Variants in GALNT17 observed in about 807,000 individuals in gnomAD.
GALNT17 encodes the protein polypeptide N-acetylgalactosaminyltransferase 17.
Under a neutral mutation model 63.7 loss-of-function variants are expected in GALNT17, and 29 were observed. The ratio of observed to expected loss-of-function variants is 0.46; its 90% CI spans 0.34 to 0.62. The LOEUF (loss-of-function observed/expected upper bound fraction) is 0.62, where lower values mean the gene tolerates loss of function less well. Among genes scored for constraint, GALNT17 ranks in the 20% least tolerant of loss-of-function variants. The probability of loss-of-function intolerance (pLI) is 0.01; values close to 1 mark genes in which losing one functional copy is unlikely to be tolerated. For missense variants in GALNT17, 603 were observed against 799.6 expected (o/e 0.75, Z 2.97); for synonymous variants, 305 against 318.3 (o/e 0.96, Z 0.45).
intron 3 of GALNT17, among the ~76,000 whole-genome samples, chr7:71,392,595 T>C (rs185520747): frequency 5.0e-4 from 76 of 152,300 alleles, no homozygotes; most frequent in African/African-American, 1.8e-3. Context: ...TAACCACGCC[T>C]TGAGCCCTGT....
chr7:71,682,507 G>A (rs1312723348), intron 9 of GALNT17, among the ~76,000 whole-genome samples: 1 of 152,138 alleles, frequency 6.6e-6, no homozygotes, highest in Non-Finnish European at 1.5e-5. Flanking sequence ...TGCCTGGATG[G>A]CATAATTTCA....
In GALNT17 at chr7:71,296,704, G is replaced by GA. The variant is rs138874755; in HGVS notation, c.239-38836dup. On this transcript the variant is annotated intron_variant, in intron 1 of 10. Transcript: ENST00000333538. Reference sequence around the variant, plus strand: ...ATATAAATTTGGCCTTAAGAACCAAGAAAAAAAAAACGTGTTTTTTTTTAG... The same window carrying GA: ...ATATAAATTTGGCCTTAAGAACCAAGAAAAAAAAAAACGTGTTTTTTTTTAG... 6.0e-3 allele frequency among the ~76,000 whole-genome samples: 874 copies of GA among 146,424 alleles called. 38 individuals carry two copies. The highest frequency in any genetic ancestry group is 2.1e-3 in the Non-Finnish European group (137 of 66,518).
chr7:71,624,165 A>C (rs911263519), intron 6 of GALNT17, among the ~76,000 whole-genome samples: 2 of 152,184 alleles, frequency 1.3e-5, no homozygotes, highest in African/African-American at 4.8e-5. Flanking sequence ...CCCAGAGGGC[A>C]TGGGGCTCCA....
At chr7:71,306,157 T>C (rs1203577611) in intron 1 of GALNT17, among the ~76,000 whole-genome samples, 3 of 152,108 alleles carry the variant, frequency 2.0e-5, no homozygotes, top group African/African-American at 4.8e-5. Context: ...GCGGCAGAAA[T>C]AGCAGTGAGC....
At chr7:71,170,422 G>A (rs541974523) in intron 1 of GALNT17, among the ~76,000 whole-genome samples, 2 of 152,086 alleles carry the variant, frequency 1.3e-5, no homozygotes, top group South Asian at 4.2e-4. Flanking sequence ...CGCAACCTCT[G>A]CCTCCCGGGT....
chr7:71,273,854 T>TGTGA (rs763085671), intron 1 of GALNT17, among the ~76,000 whole-genome samples: 21 of 151,458 alleles, frequency 1.4e-4, no homozygotes, highest in African/African-American at 2.9e-4. Context: ...TGTGTGTGTG[T>TGTGA]GAGAGAGAGA....
intron 1 of GALNT17, among the ~76,000 whole-genome samples, chr7:71,330,200 A>G (rs1448943706): frequency 6.6e-6 from 1 of 151,904 alleles, no homozygotes; most frequent in Non-Finnish European, 1.5e-5. Context: ...TTTAGTAGAG[A>G]CAAGGTTTCA....
At chr7:71,345,462 T>C (rs1434143040) in intron 2 of GALNT17, among the ~76,000 whole-genome samples, 1 of 152,198 alleles carries the variant, frequency 6.6e-6, no homozygotes, top group South Asian at 2.1e-4. Context: ...CCTCTTTCTT[T>C]CAGCACAACA....
At chr7:71,410,435 G>A (rs1036660300) in intron 3 of GALNT17, among the ~76,000 whole-genome samples, 4 of 152,060 alleles carry the variant, frequency 2.6e-5, no homozygotes, top group African/African-American at 9.7e-5. Flanking sequence ...TAGTAGAGAC[G>A]GGGTTTCACC....
intron 1 of GALNT17, among the ~76,000 whole-genome samples, chr7:71,307,986 G>A (rs1791338020): frequency 6.6e-6 from 1 of 151,886 alleles, no homozygotes; most frequent in African/African-American, 2.4e-5. Context: ...GGGTAGGTGG[G>A]ACGTGCCTCA....
rs555900200 is a variant in GALNT17 at position 71,196,947 on chromosome 7, C to A, written c.238+63907C>A. ...GGGATTACAGGTGTGAGCCACTATGCCCCGCCAATTTTTTTTTAAAAAATT... is the reference window on the plus strand; with the variant it reads ...GGGATTACAGGTGTGAGCCACTATGACCCGCCAATTTTTTTTTAAAAAATT... On this transcript the variant is annotated intron_variant, in intron 1 of 10. Coordinates refer to ENST00000333538, the MANE Select transcript of GALNT17 (RefSeq NM_022479.3). 2.0e-5 allele frequency among the ~76,000 whole-genome samples: 3 copies of A among 150,194 alleles called. No homozygotes were observed. In the East Asian group the frequency reaches 6.1e-4, roughly 30 times the overall value.
At chr7:71,166,806 G>A (rs1788448881) in intron 1 of GALNT17, among the ~76,000 whole-genome samples, 1 of 151,984 alleles carries the variant, frequency 6.6e-6, no homozygotes, top group Non-Finnish European at 1.5e-5. Context: ...AATAATCTTT[G>A]CATAGATATA....
At chr7:71,559,840 G>C (rs1261125772) in intron 5 of GALNT17, among the ~76,000 whole-genome samples, 1 of 151,648 alleles carries the variant, frequency 6.6e-6, no homozygotes, top group Non-Finnish European at 1.5e-5. Context: ...AGCTTGGAGT[G>C]CAGGTTCTTT....
intron 5 of GALNT17, among the ~76,000 whole-genome samples, chr7:71,448,794 C>T (rs1177225310): frequency 6.6e-6 from 1 of 152,162 alleles, no homozygotes; most frequent in Non-Finnish European, 1.5e-5. Context: ...AAGTTGTATA[C>T]ATTAACTATG....
Position 71,141,721 on chromosome 7 carries a change from G to A in GALNT17, c.238+8681G>A, listed in dbSNP as rs1353171183. ...AAACAGAGTCTCGCTCTGTTACCCA[G>A]GCTGGAGTACAGTGGCATGATCTCG... On this transcript the variant is annotated intron_variant, in intron 1 of 10. Transcript: ENST00000333538. 3.4e-5 allele frequency among the ~76,000 whole-genome samples: 5 copies of A among 147,740 alleles called. No individual in the cohort carries two copies. In the Admixed American group the frequency reaches 3.5e-4, roughly 10 times the overall value.
At chr7:71,524,830 T>C (rs1259742929) in intron 5 of GALNT17, among the ~76,000 whole-genome samples, 1 of 152,182 alleles carries the variant, frequency 6.6e-6, no homozygotes, top group East Asian at 1.9e-4. Flanking sequence ...GTGAGAAGTA[T>C]GTGGATGGAT....
intron 1 of GALNT17, among the ~76,000 whole-genome samples, chr7:71,292,446 A>G (rs9690269): frequency 0.44 from 66,885 of 152,036 alleles, 16,705 homozygotes; most frequent in Non-Finnish European, 0.55. Flanking sequence ...ACATCTTATT[A>G]TATTCTTATT....
intron 1 of GALNT17, among the ~76,000 whole-genome samples, chr7:71,265,118 A>ATATTTTTTTTTTTTTTTTT (rs1390488895): frequency 2.7e-5 from 1 of 37,460 alleles, no homozygotes; most frequent in Non-Finnish European, 6.8e-5. Flanking sequence ...ATATATATAT[A>ATATTTTTTTTTTTTTTTTT]TTTTTTTTTT....
chr7:71,298,710 G>GT (rs2115863559), intron 1 of GALNT17, among the ~76,000 whole-genome samples: 1 of 10,206 alleles, frequency 9.8e-5, no homozygotes, highest in African/African-American at 1.7e-4. Context: ...TATTCCAGTG[G>GT]GGTGTGTGTG....
Sources: gnomAD v4.1 joint callset for allele counts (sites outside exome capture counted in the v4.1 genomes callset) on GRCh38, gnomAD v4.1.1 for gene constraint, MANE v1.5 for transcripts, NCBI Gene and HGNC (gene_info 2026-07-23, HGNC 2026-07-21) for gene names.